The following HORMAD2 variants were observed in gnomAD, a reference collection of about 807,000 sequenced individuals.
The protein encoded by HORMAD2 is HORMA domain containing 2.
A neutral mutation model predicts 38.8 loss-of-function variants in HORMAD2; 45 were observed. That is an observed-to-expected ratio of 1.16 (90% CI 0.91 to 1.49). The LOEUF (loss-of-function observed/expected upper bound fraction) is 1.49, where lower values mean the gene tolerates loss of function less well. Ranked by LOEUF, HORMAD2 falls within the 40% of genes most tolerant of loss-of-function variation. The pLI is 0.00. For synonymous variants in HORMAD2, 126 were observed against 122.8 expected (o/e 1.03, Z -0.17); for missense variants, 338 against 367.0 (o/e 0.92, Z 0.65).
upstream of HORMAD2, chr22:30,080,281 C>G (rs370468943): frequency 2.0e-5 from 3 of 152,416 alleles, no homozygotes; most frequent in Non-Finnish European, 4.4e-5. Context: ...GGCTAGGGGC[C>G]GGCTAGCCGC....
At chr22:30,119,295 G>A (rs797007528) in intron 8 of HORMAD2, among the ~76,000 whole-genome samples, 2 of 152,136 alleles carry the variant, frequency 1.3e-5, no homozygotes, top group African/African-American at 2.4e-5. Flanking sequence ...TTGCCTACAC[G>A]CTATTGATTG....
chr22:30,090,083 T>C (rs2068655027), intron 1 of HORMAD2, among the ~76,000 whole-genome samples: 1 of 151,964 alleles, frequency 6.6e-6, no homozygotes, highest in East Asian at 1.9e-4. Context: ...TGAATAGGGG[T>C]CGGGTGTGGT....
At chr22:30,198,098 C>A in the HORMAD2 span, among the ~76,000 whole-genome samples, 2 of 152,116 alleles carry the variant, frequency 1.3e-5, no homozygotes, top group South Asian at 4.1e-4. Context: ...GCAGGAGAAT[C>A]ACTTGAACCC....
chr22:30,151,765 T>C (rs1924764963), intron 10 of HORMAD2, among the ~76,000 whole-genome samples: 1 of 152,202 alleles, frequency 6.6e-6, no homozygotes, highest in African/African-American at 2.4e-5. Context: ...AAAATATTAA[T>C]AAAAGATAGT....
intron 10 of HORMAD2, among the ~76,000 whole-genome samples, chr22:30,153,050 A>G (rs1399240756): frequency 1.3e-5 from 2 of 151,912 alleles, no homozygotes; most frequent in Non-Finnish European, 2.9e-5. Flanking sequence ...TTTTCCACAC[A>G]TAGAACAAGT....
At chr22:30,194,624 A>T in the HORMAD2 span, among the ~76,000 whole-genome samples, 8 of 152,220 alleles carry the variant, frequency 5.3e-5, no homozygotes, top group African/African-American at 1.7e-4. Context: ...ATCCAATATC[A>T]TTGTGGCAAT....
At chr22:30,182,389 T>C in the HORMAD2 span, among the ~76,000 whole-genome samples, 3 of 152,228 alleles carry the variant, frequency 2.0e-5, no homozygotes, top group Non-Finnish European at 2.9e-5. Context: ...CTTTTCAGTA[T>C]GTGGAGGGAG....
At chr22:30,105,109 G>T (rs1053310863) in intron 5 of HORMAD2, 2 of 165,008 alleles carry the variant, frequency 1.2e-5, no homozygotes, top group African/African-American at 2.4e-5. Flanking sequence ...CCTTGGCAGC[G>T]GCTTTCCTCA....
intron 10 of HORMAD2, among the ~76,000 whole-genome samples, chr22:30,151,999 C>CTGTT (rs1463666142): frequency 2.0e-5 from 3 of 152,074 alleles, no homozygotes; most frequent in Non-Finnish European, 4.4e-5. Flanking sequence ...TTCTAGTTAC[C>CTGTT]TGTTTGCTTC....
the HORMAD2 span, chr22:30,184,622 G>T: frequency 5.3e-5 from 8 of 152,042 alleles, no homozygotes; most frequent in South Asian, 2.1e-4. Flanking sequence ...ATAGACTCAG[G>T]TTGCATTCGA....
downstream of HORMAD2, among the ~76,000 whole-genome samples, chr22:30,177,856 C>T (rs73402651): frequency 0.017 from 2,497 of 150,594 alleles, 65 homozygotes; most frequent in African/African-American, 0.058. Context: ...ATTTTTGTGT[C>T]TTTTGTAGAG....
At chr22:30,131,055 C>G (rs1350646249) in intron 10 of HORMAD2, among the ~76,000 whole-genome samples, 3 of 152,106 alleles carry the variant, frequency 2.0e-5, no homozygotes, top group African/African-American at 7.2e-5. Flanking sequence ...AAGACAACTT[C>G]CCCTAAAGAT....
intron 10 of HORMAD2, chr22:30,137,226 A>C (rs1923727897): frequency 1.7e-6 from 1 of 591,956 alleles, no homozygotes; most frequent in Non-Finnish European, 3.2e-6. Flanking sequence ...TTCTAAATGC[A>C]ACTTCATCAT....
the HORMAD2 span, among the ~76,000 whole-genome samples, chr22:30,200,852 C>T: frequency 4.6e-5 from 7 of 151,872 alleles, no homozygotes; most frequent in South Asian, 2.1e-4. Context: ...TGGGTTCAAG[C>T]GATTCTCCTG....
intron 10 of HORMAD2, chr22:30,137,228 C>T: frequency 1.7e-6 from 1 of 588,626 alleles, no homozygotes. Flanking sequence ...CTAAATGCAA[C>T]TTCATCATTC....
rs750796623 is a variant in HORMAD2, at chr22:30,129,217, C to CAAAAAAAA, written c.819+7035_819+7042dup. Among the ~76,000 whole-genome samples, 20 of 22,632 alleles carry CAAAAAAAA rather than the reference C, an allele frequency of 8.8e-4. 2 individuals are homozygous for CAAAAAAAA. The East Asian group carries it at 0.014, about 16-fold the overall frequency. The allele number at this position is 22,632 out of a possible 152,430, so 14.8% of individuals were successfully genotyped here. A position where few individuals can be genotyped will look rare whatever the true frequency, so the allele number is the denominator to read the frequency against. Reference sequence around the variant, plus strand: ...TGGGTGGCAGAGTGAGACTCTATCTCAAAAAAAAAAAAAAAAAAAAAAAAA... The same window carrying CAAAAAAAA: ...TGGGTGGCAGAGTGAGACTCTATCTCAAAAAAAAAAAAAAAAAAAAAAAAAAAAAAAAA... On this transcript the variant is annotated intron_variant, in intron 10 of 10. Transcript: ENST00000336726.
At chr22:30,105,265 A>G (rs1921102427) in intron 5 of HORMAD2, 1 of 172,908 alleles carries the variant, frequency 5.8e-6, no homozygotes, top group Non-Finnish European at 1.3e-5. Context: ...GGGTGAAGCC[A>G]CACACCTCTC....
chr22:30,089,337 G>A (rs2068639436), intron 1 of HORMAD2, among the ~76,000 whole-genome samples: 1 of 151,014 alleles, frequency 6.6e-6, no homozygotes, highest in Admixed American at 6.6e-5. Flanking sequence ...AAAGAAAAGG[G>A]AAAATTTGCT....
chr22:30,116,641 T>C (rs1405940237), intron 7 of HORMAD2, among the ~76,000 whole-genome samples: 1 of 152,224 alleles, frequency 6.6e-6, no homozygotes, highest in Admixed American at 6.5e-5. Flanking sequence ...GTGCCTGCTG[T>C]AAATATACTT....
Sources: gnomAD v4.1 joint callset for allele counts (sites outside exome capture counted in the v4.1 genomes callset) on GRCh38, gnomAD v4.1.1 for gene constraint, MANE v1.5 for transcripts, NCBI Gene and HGNC (gene_info 2026-07-23, HGNC 2026-07-21) for gene names.